PSMC1: variants seen among roughly 807,000 people sequenced by gnomAD.
PSMC1 encodes the protein proteasome 26S subunit, ATPase 1.
PSMC1 carries 5 observed loss-of-function variants against 49.8 expected under a neutral mutation model. The ratio of observed to expected loss-of-function variants is 0.10; its 90% CI spans 0.05 to 0.21. PSMC1 has a LOEUF of 0.21. PSMC1 is among the 10% of genes least tolerant of loss of function. The probability of loss-of-function intolerance (pLI) is 1.00; values close to 1 mark genes in which losing one functional copy is unlikely to be tolerated. For missense variants in PSMC1, 181 were observed against 535.7 expected, an observed-to-expected ratio of 0.34 and a Z score of 6.54; for synonymous variants, 155 against 192.1, an observed-to-expected ratio of 0.81 and a Z score of 1.60.
chr14:90,265,197 C>A lies in PSMC1; in HGVS notation c.691+31C>A, dbSNP rs752510074. On this transcript the variant is annotated intron_variant, in intron 7 of 10. Coordinates refer to ENST00000261303, the MANE Select transcript of PSMC1 (RefSeq NM_002802.3). Reference sequence around the variant, plus strand: ...CTCTGTTTTTGACACTTTCCAGGCACCCAGCTGGTCTCTTGAGCAGCAGCA... The same window carrying A: ...CTCTGTTTTTGACACTTTCCAGGCAACCAGCTGGTCTCTTGAGCAGCAGCA... The A allele has an allele frequency of 3.4e-6, 5 of 1,467,770 alleles. No homozygotes were observed. In the African/African-American group the frequency reaches 5.6e-5, roughly 16 times the overall value. The allele number at this position is 1,467,770 out of a possible 1,614,324, so 90.9% of individuals were successfully genotyped here. A position where few individuals can be genotyped will look rare whatever the true frequency, so the allele number is the denominator to read the frequency against.
rs1491397403 is a variant in PSMC1 at position 90,274,838 on chromosome 14, A to ACACCC, written c.*2432_*2433insACCCC. 4.5e-5 allele frequency: 3 copies of ACACCC among 67,220 alleles called. No homozygotes were observed. Among genetic ancestry groups the ACACCC allele is most frequent in the East Asian group, 3.4e-4 (1 of 2,958 alleles). 4.2% of individuals were successfully genotyped at this position (67,220 alleles called of 1,614,324 possible). ...CACACACACACACACACACACACAC[A>ACACCC]CCCCAATACATATGAATTGATCTGA... On this transcript the variant is annotated 3_prime_UTR_variant, in exon 11 of 11. Transcript: ENST00000261303.
chr14:90,259,861 A>T (rs1891363340), intron 2 of PSMC1, among the ~76,000 whole-genome samples: 1 of 152,030 alleles, frequency 6.6e-6, no homozygotes, highest in African/African-American at 2.4e-5. Flanking sequence ...ACCTCAAGTG[A>T]TCCTCCCGCC....
rs1034177121 is a variant in PSMC1 at position 90,273,983 on chromosome 14, T to G, written c.*1576T>G. 2.9e-5 allele frequency: 2 copies of G among 68,482 alleles called. No individual in the cohort carries two copies. The highest frequency in any genetic ancestry group is 7.8e-5 in the African/African-American group (2 of 25,716). 4.2% of individuals were successfully genotyped at this position (68,482 alleles called of 1,614,324 possible). On this transcript the variant is annotated 3_prime_UTR_variant, in exon 11 of 11. Transcript: ENST00000261303. ...TTTCCCTGTTTTAAAGTTTACAATC[T>G]TCTTAATTTTTATCTGCAAAGTTCC...
chr14:90,261,518 G>T (rs1305464511), intron 3 of PSMC1, among the ~76,000 whole-genome samples: 1 of 152,146 alleles, frequency 6.6e-6, no homozygotes, highest in African/African-American at 2.4e-5. Flanking sequence ...GCCACTTCAG[G>T]TCTGTGGGGA....
intron 7 of PSMC1, among the ~76,000 whole-genome samples, chr14:90,266,007 G>A (rs554028600): frequency 4.6e-5 from 7 of 152,254 alleles, no homozygotes; most frequent in African/African-American, 1.7e-4. Flanking sequence ...TATAATCCTA[G>A]CACTGTGAGA....
At chr14:90,261,074 C>A (rs979024438) in intron 3 of PSMC1, among the ~76,000 whole-genome samples, 5 of 152,108 alleles carry the variant, frequency 3.3e-5, no homozygotes, top group African/African-American at 9.7e-5. Flanking sequence ...AAAATTCATA[C>A]CAAGTGACCT....
In PSMC1 at chr14:90,263,370, A is replaced by G. The variant is rs745382083; in HGVS notation, c.207A>G (p.Lys69=). ...AATTACTGAAGTTAGAGAGAATTAA[A>G]GACTATCTTCTCATGGAGGAAGAAT... ...RLKLLKLERI[K]DYLLMEEEFI... Residue 69 remains lysine (K), a synonymous_variant, in exon 4 of 11, where the codon AAA becomes AAG. Coordinates refer to ENST00000261303, the MANE Select transcript of PSMC1 (RefSeq NM_002802.3). 2.5e-6 allele frequency: 4 copies of G among 1,591,830 alleles called. No homozygotes were observed. The South Asian group carries it at 4.6e-5, about 18-fold the overall frequency.
At chr14:90,256,985 G>A (rs1891307304) in intron 1 of PSMC1, among the ~76,000 whole-genome samples, 1 of 152,204 alleles carries the variant, frequency 6.6e-6, no homozygotes, top group East Asian at 1.9e-4. Flanking sequence ...AGTCGGGCAG[G>A]TGAAGGGTGC....
chr14:90,274,569 T>G lies in PSMC1; in HGVS notation c.*2162T>G, dbSNP rs1322358444. 2.0e-5 allele frequency: 3 copies of G among 151,630 alleles called. No homozygotes were observed. Among genetic ancestry groups the G allele is most frequent in the Admixed American group, 6.6e-5 (1 of 15,228 alleles). The allele number at this position is 151,630 out of a possible 1,614,324, so 9.4% of individuals were successfully genotyped here. A position where few individuals can be genotyped will look rare whatever the true frequency, so the allele number is the denominator to read the frequency against. On this transcript the variant is annotated 3_prime_UTR_variant, in exon 11 of 11. Transcript: ENST00000261303. ...AAGTATTATTCTCCACTAAAAGGAGTGAGGGCTGATTCCGGGGCTAGGCAG... is the reference window on the plus strand; with the variant it reads ...AAGTATTATTCTCCACTAAAAGGAGGGAGGGCTGATTCCGGGGCTAGGCAG...
chr14:90,270,453 G>A, intron 10 of PSMC1, 101 bp downstream of exon 10: 1 of 1,307,236 alleles, frequency 7.6e-7, no homozygotes, highest in East Asian at 2.5e-5. Flanking sequence ...GGACAGGTGG[G>A]TGTCTGTATT....
intron 1 of PSMC1, among the ~76,000 whole-genome samples, chr14:90,257,486 T>A (rs1343668016): frequency 6.6e-6 from 1 of 152,018 alleles, no homozygotes; most frequent in East Asian, 1.9e-4. Context: ...CCTGCAGATG[T>A]CTGAGGGAAA....
At chr14:90,259,643 T>C (rs1255128809) in intron 2 of PSMC1, among the ~76,000 whole-genome samples, 1 of 152,054 alleles carries the variant, frequency 6.6e-6, no homozygotes, top group East Asian at 1.9e-4. Context: ...TTATTATTAT[T>C]ATTATTGAGA....
rs1196097850 is a variant in PSMC1, at chr14:90,269,433, G to A, written c.918G>A (p.Gln306=). 6.2e-7 allele frequency: 1 copy of A among 1,609,880 alleles called. No homozygotes were observed. Among genetic ancestry groups the A allele is most frequent in the Non-Finnish European group, 8.5e-7 (1 of 1,178,802 alleles). Reference sequence around the variant, plus strand: ...ATTCTGGTGGTGAGAGAGAAATTCAGCGAACAATGTTGGAACTGCTGAACC... The same window carrying A: ...ATTCTGGTGGTGAGAGAGAAATTCAACGAACAATGTTGGAACTGCTGAACC... ...DSNSGGEREI[Q]RTMLELLNQL... Residue 306 remains glutamine, a synonymous_variant, in exon 9 of 11, where the codon CAG becomes CAA. Coordinates refer to ENST00000261303, the MANE Select transcript of PSMC1 (RefSeq NM_002802.3).
Position 90,274,809 on chromosome 14 carries a change from C to G in PSMC1, c.*2402C>G, listed in dbSNP as rs1566678010. 1.5e-5 allele frequency: 1 copy of G among 68,214 alleles called. No homozygotes were observed. Among genetic ancestry groups the G allele is most frequent in the African/African-American group, 6.7e-5 (1 of 14,862 alleles). 4.2% of individuals were successfully genotyped at this position (68,214 alleles called of 1,614,324 possible). On this transcript the variant is annotated 3_prime_UTR_variant, in exon 11 of 11. Coordinates refer to ENST00000261303, the MANE Select transcript of PSMC1 (RefSeq NM_002802.3). ...AACTACACACACACACACACACACA[C>G]ACACACACACACACACACACACACA...
rs752312051 is a variant in PSMC1, at chr14:90,275,249, A to T, written c.*2842A>T. 2.2e-4 allele frequency: 34 copies of T among 152,168 alleles called. No homozygotes were observed. The highest frequency in any genetic ancestry group is 9.2e-4 in the Admixed American group (14 of 15,280). 9.4% of individuals were successfully genotyped at this position (152,168 alleles called of 1,614,324 possible). A position where few individuals can be genotyped will look rare whatever the true frequency, so the allele number is the denominator to read the frequency against. On this transcript the variant is annotated 3_prime_UTR_variant, in exon 11 of 11. Coordinates refer to ENST00000261303, the MANE Select transcript of PSMC1 (RefSeq NM_002802.3). ...GAACTGGATCCTTTTCCTAGAGGAC[A>T]TGACTGGGCCTGAGGACCTGCTAGG...
At chr14:90,259,069 A>G in intron 1 of PSMC1, 91 bp from the exon 2 acceptor site, 2 of 1,164,368 alleles carry the variant, frequency 1.7e-6, no homozygotes, top group Non-Finnish European at 2.4e-6. Flanking sequence ...TACTCACAGG[A>G]CATGTTATAG....
intron 1 of PSMC1, 88 bp from the exon 2 acceptor site, chr14:90,259,072 T>C: frequency 8.3e-7 from 1 of 1,202,542 alleles, no homozygotes; most frequent in African/African-American, 1.5e-5. Flanking sequence ...TCACAGGACA[T>C]GTTATAGACT....
rs1891750208 is a variant in PSMC1 at position 90,274,504 on chromosome 14, A to G, written c.*2097A>G. 6.6e-6 allele frequency: 1 copy of G among 152,298 alleles called. No homozygotes were observed. The highest frequency in any genetic ancestry group is 2.4e-5 in the African/African-American group (1 of 41,408). 9.4% of individuals were successfully genotyped at this position (152,298 alleles called of 1,614,324 possible). ...AGCACCTGGGAACAGTGACACCCCA[A>G]CTGCAGTGAGCACCCCTAGACCCAG... is the stretch of plus-strand genomic sequence containing the variant. On this transcript the variant is annotated 3_prime_UTR_variant, in exon 11 of 11. Transcript: ENST00000261303.
At chr14:90,259,899 T>G (rs1891364041) in intron 2 of PSMC1, among the ~76,000 whole-genome samples, 1 of 152,040 alleles carries the variant, frequency 6.6e-6, no homozygotes, top group Non-Finnish European at 1.5e-5. Flanking sequence ...TGGGATTACA[T>G]ACGTGAGCCA....
Sources: gnomAD v4.1 joint callset for allele counts (sites outside exome capture counted in the v4.1 genomes callset) on GRCh38, gnomAD v4.1.1 for gene constraint, MANE v1.5 for transcripts, NCBI Gene and HGNC (gene_info 2026-07-23, HGNC 2026-07-21) for gene names.